The following SORCS1 variants were observed in gnomAD, a reference collection of about 807,000 sequenced individuals.
SORCS1 encodes the protein VPS10 domain-containing receptor SorCS1.
Under a neutral mutation model 146.1 loss-of-function variants are expected in SORCS1, and 60 were observed. The ratio of observed to expected loss-of-function variants is 0.41; its 90% CI spans 0.33 to 0.51. The LOEUF (loss-of-function observed/expected upper bound fraction) is 0.51, where lower values mean the gene tolerates loss of function less well. Among genes scored for constraint, SORCS1 ranks in the 20% least tolerant of loss-of-function variants. The pLI is 0.21. For missense variants in SORCS1, 1,352 were observed against 1,487.6 expected (o/e 0.91, Z 1.50); for synonymous variants, 637 against 584.0 (o/e 1.09, Z -1.31).
intron 23 of SORCS1, chr10:106,600,560 C>G (rs977300252): frequency 2.0e-6 from 2 of 985,268 alleles, no homozygotes; most frequent in South Asian, 9.4e-5. Context: ...AAGTGTTTAT[C>G]CTGTATTTTT....
At chr10:106,749,956 C>A (rs1858028090) in intron 5 of SORCS1, among the ~76,000 whole-genome samples, 2 of 152,148 alleles carry the variant, frequency 1.3e-5, no homozygotes, top group African/African-American at 4.8e-5. Flanking sequence ...TATTCTGACT[C>A]CAGAACTCCA....
chr10:106,740,303 T>A (rs1248273558), intron 5 of SORCS1, among the ~76,000 whole-genome samples: 1 of 152,194 alleles, frequency 6.6e-6, no homozygotes, highest in East Asian at 1.9e-4. Context: ...TGGAGACTGT[T>A]GCTCTAAACT....
chr10:106,768,242 A>T (rs1859728826), intron 4 of SORCS1, among the ~76,000 whole-genome samples: 1 of 152,212 alleles, frequency 6.6e-6, no homozygotes, highest in Non-Finnish European at 1.5e-5. Flanking sequence ...TGAGGTTAGA[A>T]ATCAGATCTG....
At chr10:106,928,484 C>G (rs4522099) in intron 2 of SORCS1, among the ~76,000 whole-genome samples, 10,783 of 152,320 alleles carry the variant, frequency 0.071, 419 homozygotes, top group Admixed American at 0.11. Context: ...TCCCTCCACA[C>G]CTCCCTGCAA....
chr10:106,890,330 T>C (rs1374974919), intron 2 of SORCS1, among the ~76,000 whole-genome samples: 1 of 152,110 alleles, frequency 6.6e-6, no homozygotes, highest in Non-Finnish European at 1.5e-5. Flanking sequence ...CTAGGGATTG[T>C]TTTCCTCTAA....
At chr10:106,780,264 A>C (rs2136405835) in intron 3 of SORCS1, among the ~76,000 whole-genome samples, 1 of 152,350 alleles carries the variant, frequency 6.6e-6, no homozygotes, top group East Asian at 1.9e-4. Context: ...CAAAAACAAT[A>C]GATTACATTT....
chr10:106,583,978 C>T (rs999348875), intron 24 of SORCS1, among the ~76,000 whole-genome samples: 7 of 152,112 alleles, frequency 4.6e-5, no homozygotes, highest in Admixed American at 6.5e-5. Context: ...ACTATGACCC[C>T]GAAACTTTCA....
At chr10:106,717,751 T>C (rs547189227) in intron 6 of SORCS1, among the ~76,000 whole-genome samples, 7 of 152,274 alleles carry the variant, frequency 4.6e-5, no homozygotes, top group African/African-American at 1.7e-4. Context: ...TTTGCACCAA[T>C]CTAATAATAT....
At chr10:106,964,866 A>G (rs181710166) in intron 1 of SORCS1, among the ~76,000 whole-genome samples, 1 of 151,136 alleles carries the variant, frequency 6.6e-6, no homozygotes, top group African/African-American at 2.4e-5. Flanking sequence ...CTCATGCCTC[A>G]GCCCCACAAA....
rs74875872 is a variant in SORCS1 at position 106,803,067 on chromosome 10, T to C, written c.727-26375A>G. ...GGAGACTGGGCTACTTCTCTTTCACTTGATCACATGTGATGGCCTCAATAG... is the reference window on the plus strand; with the variant it reads ...GGAGACTGGGCTACTTCTCTTTCACCTGATCACATGTGATGGCCTCAATAG... On this transcript the variant is annotated intron_variant, in intron 3 of 25. Transcript: ENST00000263054. 1.0e-2 allele frequency among the ~76,000 whole-genome samples: 1,520 copies of C among 152,316 alleles called. 20 individuals carry two copies. Among genetic ancestry groups the C allele is most frequent in the African/African-American group, 0.031 (1,274 of 41,570 alleles).
intron 1 of SORCS1, among the ~76,000 whole-genome samples, chr10:107,090,809 A>C (rs1236828574): frequency 6.6e-6 from 1 of 152,188 alleles, no homozygotes; most frequent in Non-Finnish European, 1.5e-5. Flanking sequence ...CTGAGCTGGG[A>C]TGTAGAACCC....
At chr10:106,956,662 G>A in intron 1 of SORCS1, 82 bp from the exon 2 acceptor site, 1 of 1,158,678 alleles carries the variant, frequency 8.6e-7, no homozygotes, top group Admixed American at 2.0e-5. Flanking sequence ...GAGGGCTTAG[G>A]ATTCCTTTAA....
At chr10:107,004,611 G>A (rs1957365317) in intron 1 of SORCS1, among the ~76,000 whole-genome samples, 1 of 152,046 alleles carries the variant, frequency 6.6e-6, no homozygotes, top group Admixed American at 6.5e-5. Flanking sequence ...GACTTGTGGG[G>A]ATTATTACAA....
chr10:106,591,238 A>C (rs537682248), intron 24 of SORCS1, among the ~76,000 whole-genome samples: 1 of 152,312 alleles, frequency 6.6e-6, no homozygotes, highest in South Asian at 2.1e-4. Context: ...ATTCTCTCTC[A>C]GATCTCTCTT....
chr10:106,806,616 C>T (rs1440795114), intron 3 of SORCS1, among the ~76,000 whole-genome samples: 3 of 144,168 alleles, frequency 2.1e-5, no homozygotes, highest in Admixed American at 7.1e-5. Flanking sequence ...CCCGGGTTCA[C>T]GCCATTCTCC....
chr10:106,800,554 C>T lies in SORCS1; in HGVS notation c.727-23862G>A, dbSNP rs1946815476. On this transcript the variant is annotated intron_variant, in intron 3 of 25. Coordinates refer to ENST00000263054, the MANE Select transcript of SORCS1 (RefSeq NM_052918.5). ...TTTTTTTTTTTAAGATGGAGTCTTG[C>T]TCTGTTGCCTAGGCTGGAGTGTAGT... Among the ~76,000 whole-genome samples the T allele has an allele frequency of 1.7e-5, 2 of 120,418 alleles. 1 individual carries two copies. Among genetic ancestry groups the T allele is most frequent in the African/African-American group, 6.4e-5 (2 of 31,192 alleles). The allele number at this position is 120,418 out of a possible 152,430, so 79.0% of individuals were successfully genotyped here. A position where few individuals can be genotyped will look rare whatever the true frequency, so the allele number is the denominator to read the frequency against.
At chr10:107,153,727 A>G (rs1476900463) in intron 1 of SORCS1, among the ~76,000 whole-genome samples, 1 of 152,234 alleles carries the variant, frequency 6.6e-6, no homozygotes, top group Admixed American at 6.5e-5. Context: ...AGTTTTAATG[A>G]GGCCAAGTTC....
At chr10:106,667,425 A>G (rs750144696) in intron 17 of SORCS1, 12 of 380,012 alleles carry the variant, frequency 3.2e-5, no homozygotes, top group Non-Finnish European at 5.2e-5. Flanking sequence ...GTGTCGAGAA[A>G]ATGAAGACAC....
At chr10:106,962,959 G>T (rs1334617812) in intron 1 of SORCS1, among the ~76,000 whole-genome samples, 1 of 152,094 alleles carries the variant, frequency 6.6e-6, no homozygotes, top group Non-Finnish European at 1.5e-5. Flanking sequence ...TCAGCAGCTT[G>T]CTGGAGACCA....
Sources: gnomAD v4.1 joint callset for allele counts (sites outside exome capture counted in the v4.1 genomes callset) on GRCh38, gnomAD v4.1.1 for gene constraint, MANE v1.5 for transcripts, NCBI Gene and HGNC (gene_info 2026-07-23, HGNC 2026-07-21) for gene names.